C6: variants seen among roughly 807,000 people sequenced by gnomAD.
C6 encodes the protein complement C6, also known as complement component C6.
C6 carries 101 observed loss-of-function variants against 112.9 expected under a neutral mutation model. The observed-to-expected ratio is 0.89, with a 90% confidence interval of 0.76 to 1.06. The LOEUF is 1.06. Ranked by LOEUF, C6 falls within the 50% of genes least tolerant of loss-of-function variation. C6 has a pLI of 0.00. For synonymous variants in C6, 431 were observed against 384.1 expected (o/e 1.12, Z -1.43); for missense variants, 1,202 against 1,104.6 (o/e 1.09, Z -1.25).
At chr5:41,229,517 T>C (rs1293113823) in intron 1 of C6, among the ~76,000 whole-genome samples, 4 of 152,180 alleles carry the variant, frequency 2.6e-5, no homozygotes, top group African/African-American at 9.7e-5. Flanking sequence ...TCTAGTTTCA[T>C]ATTATTGTGA....
intron 9 of C6, among the ~76,000 whole-genome samples, chr5:41,170,113 A>G (rs1035497): frequency 0.18 from 27,306 of 152,050 alleles, 2,812 homozygotes; most frequent in African/African-American, 0.3. Flanking sequence ...TTCTTATATA[A>G]CATTTTTTAA....
chr5:41,198,895 TC>T (rs746331076), intron 4 of C6, among the ~76,000 whole-genome samples: 64 of 152,156 alleles, frequency 4.2e-4, no homozygotes, highest in Non-Finnish European at 3.7e-4. Context: ...CCTCAGCCAT[TC>T]TCATTCGGAT....
At chr5:41,225,402 A>AT (rs1227215199) in intron 1 of C6, among the ~76,000 whole-genome samples, 69 of 152,118 alleles carry the variant, frequency 4.5e-4, no homozygotes, top group African/African-American at 1.5e-3. Context: ...TGAACTCATC[A>AT]TTTTTTACGG....
chr5:41,164,703 G>A (rs1319448527), intron 9 of C6, among the ~76,000 whole-genome samples: 1 of 152,140 alleles, frequency 6.6e-6, no homozygotes, highest in Non-Finnish European at 1.5e-5. Flanking sequence ...ACTTTGCAAT[G>A]TCCTCTTGTT....
chr5:41,213,393 G>T lies in C6; in HGVS notation c.-38C>A. 1.0e-6 allele frequency: 1 copy of T among 984,356 alleles called. No individual in the cohort carries two copies. Among genetic ancestry groups the T allele is most frequent in the Non-Finnish European group, 1.2e-6 (1 of 829,054 alleles). The allele number at this position is 984,356 out of a possible 1,614,324, so 61.0% of individuals were successfully genotyped here. ...TTACTCACCTTTAAGCAGAGTTTGT[G>T]GTGTCCTCGGACCTAAGCTGCAAAT... On this transcript the variant is annotated 5_prime_UTR_variant, in exon 1 of 18. Transcript: ENST00000337836.
At position 41,160,365 on chromosome 5, in the gene C6, A is replaced by G. The variant is rs759440853; in HGVS notation, c.1461T>C (p.Leu487=). 1.5e-5 allele frequency: 24 copies of G among 1,612,782 alleles called. No individual in the cohort carries two copies. Residue 487 remains leucine (L), a splice_region_variant and synonymous_variant, in exon 11 of 18, where the codon CTT becomes CTC. Coordinates refer to ENST00000337836, the MANE Select transcript of C6 (RefSeq NM_000065.5). The part of the protein sequence containing the change: ...KENPAVIDFE[L]APIVDLVRNI... ...TTCTTACCAAGTCCACGATGGGGGCAAGCTAGGAGAAAATGGGAGAGAGGA... is the reference window on the plus strand; with the variant it reads ...TTCTTACCAAGTCCACGATGGGGGCGAGCTAGGAGAAAATGGGAGAGAGGA...
intron 5 of C6, among the ~76,000 whole-genome samples, chr5:41,187,909 C>T (rs1365726468): frequency 6.6e-6 from 1 of 152,086 alleles, no homozygotes; most frequent in Non-Finnish European, 1.5e-5. Context: ...TAAAAGGTTG[C>T]ATACTAAGTT....
intron 1 of C6, among the ~76,000 whole-genome samples, chr5:41,211,368 C>T (rs1054699440): frequency 2.0e-5 from 3 of 151,884 alleles, no homozygotes; most frequent in African/African-American, 7.3e-5. Context: ...GCACATGTAC[C>T]CTAGAACTTA....
chr5:41,255,462 A>G (rs1408620672), intron 1 of C6, among the ~76,000 whole-genome samples: 1 of 152,172 alleles, frequency 6.6e-6, no homozygotes, highest in African/African-American at 2.4e-5. Flanking sequence ...GGCTGCAAGT[A>G]ACGGAGACAA....
At chr5:41,191,583 T>A (rs1315779709) in intron 5 of C6, among the ~76,000 whole-genome samples, 3 of 152,184 alleles carry the variant, frequency 2.0e-5, no homozygotes, top group African/African-American at 7.2e-5. Context: ...CCTCTTCAAG[T>A]TCTTTCATCA....
chr5:41,190,317 G>A (rs1284627476), intron 5 of C6, among the ~76,000 whole-genome samples: 1 of 152,166 alleles, frequency 6.6e-6, no homozygotes, highest in Non-Finnish European at 1.5e-5. Context: ...ACTGTAGTGA[G>A]ATGATACCTC....
chr5:41,151,061 A>G lies in C6; in HGVS notation c.2291-1036T>C, dbSNP rs539002815. On this transcript the variant is annotated intron_variant, in intron 15 of 17. Transcript: ENST00000337836. ...GAAGGGTTTTGTCTTCATTTTATAA[A>G]TAGTAGACAGTCTCTGATAGGTTTT... 3.3e-5 allele frequency among the ~76,000 whole-genome samples: 5 copies of G among 152,280 alleles called. No homozygotes were observed. The South Asian group carries it at 1.0e-3, about 32-fold the overall frequency.
chr5:41,150,253 A>G (rs1446032658), intron 15 of C6, among the ~76,000 whole-genome samples: 2 of 152,236 alleles, frequency 1.3e-5, no homozygotes, highest in Admixed American at 1.3e-4. Context: ...TTATGTTCAG[A>G]TAACTAAAGA....
chr5:41,153,732 T>C (rs1746626762), intron 15 of C6, 78 bp downstream of exon 15: 1 of 1,097,130 alleles, frequency 9.1e-7, no homozygotes. Context: ...TTAAGAAATA[T>C]AATGGCTATA....
Position 41,149,316 on chromosome 5 carries a change from T to C in C6, c.2548A>G (p.Thr850Ala). The change falls in exon 17 of 18, where the codon ACA (threonine) becomes GCA (alanine). Residue 850 changes from threonine (T) to alanine (A), a missense_variant. Transcript: ENST00000337836. The part of the protein sequence containing the change: ...GRQLEWGLER[T>A]RLSSNSTKKE... Reference sequence around the variant, plus strand: ...TTTGTGCTGTTGGATGAAAGTCTTGTCCTTTCAAGACCCCATTCTAACTGG... The same window carrying C: ...TTTGTGCTGTTGGATGAAAGTCTTGCCCTTTCAAGACCCCATTCTAACTGG... 2 of 1,614,014 alleles carry C rather than the reference T, an allele frequency of 1.2e-6. No homozygotes were observed. Among genetic ancestry groups the C allele is most frequent in the Non-Finnish European group, 8.5e-7 (1 of 1,179,928 alleles).
intron 9 of C6, among the ~76,000 whole-genome samples, chr5:41,167,878 C>T (rs551836796): frequency 3.8e-4 from 58 of 152,194 alleles, no homozygotes; most frequent in African/African-American, 1.4e-3. Flanking sequence ...CAGCAGTTTA[C>T]AGATTCATAA....
At chr5:41,214,887 T>C (rs1752141767), upstream of C6, among the ~76,000 whole-genome samples, 1 of 151,998 alleles carries the variant, frequency 6.6e-6, no homozygotes, top group Admixed American at 6.6e-5. Flanking sequence ...AGAAGTAAGA[T>C]TGTATGCTGT....
intron 1 of C6, among the ~76,000 whole-genome samples, chr5:41,225,636 T>A (rs1173513877): frequency 3.9e-5 from 6 of 152,194 alleles, no homozygotes; most frequent in Non-Finnish European, 8.8e-5. Flanking sequence ...CCCTGAGGAA[T>A]CACCACACTG....
chr5:41,178,155 G>A (rs1749008134), intron 7 of C6, among the ~76,000 whole-genome samples: 1 of 152,036 alleles, frequency 6.6e-6, no homozygotes, highest in Non-Finnish European at 1.5e-5. Context: ...CATTACTATA[G>A]GTTATTAAAC....
Sources: allele counts gnomAD v4.1 joint callset (sites outside exome capture counted in the v4.1 genomes callset), GRCh38; gene constraint gnomAD v4.1.1; transcripts MANE v1.5; gene names NCBI Gene and HGNC (gene_info 2026-07-23, HGNC 2026-07-21).